ZNF385D: variants seen among roughly 807,000 people sequenced by gnomAD.
The protein encoded by ZNF385D is zinc finger protein 659.
In ZNF385D, 15 loss-of-function variants were observed where a neutral mutation model predicts 35.8. The ratio of observed to expected loss-of-function variants is 0.42; its 90% CI spans 0.28 to 0.64. The LOEUF is 0.64. Among genes scored for constraint, ZNF385D ranks in the 30% least tolerant of loss-of-function variants. The pLI is 0.23. For missense variants in ZNF385D, 474 were observed against 494.6 expected (o/e 0.96, Z 0.39); for synonymous variants, 212 against 186.8 (o/e 1.13, Z -1.10).
chr3:21,995,904 G>C (rs903740320), intron 3 of ZNF385D, among the ~76,000 whole-genome samples: 1 of 152,064 alleles, frequency 6.6e-6, no homozygotes, highest in Non-Finnish European at 1.5e-5. Context: ...TTCCCAGTGT[G>C]CTACATTGTC....
chr3:21,424,948 C>G (rs1386004648), intron 6 of ZNF385D, among the ~76,000 whole-genome samples: 5 of 152,096 alleles, frequency 3.3e-5, no homozygotes, highest in African/African-American at 1.2e-4. Flanking sequence ...TATAAATGAT[C>G]TCTTTGGAAG....
chr3:21,591,411 C>T (rs1284924907), intron 2 of ZNF385D, among the ~76,000 whole-genome samples: 1 of 151,938 alleles, frequency 6.6e-6, no homozygotes, highest in African/African-American at 2.4e-5. Context: ...GAATGGTTAG[C>T]AAAATAGAAC....
At chr3:21,770,058 C>G (rs147137069) in intron 3 of ZNF385D, among the ~76,000 whole-genome samples, 1,680 of 152,272 alleles carry the variant, frequency 0.011, 79 homozygotes, top group Admixed American at 0.09. Context: ...AACTGGATCC[C>G]TTCCTTATAC....
intron 3 of ZNF385D, chr3:21,961,365 C>T (rs756674090): frequency 2.6e-5 from 4 of 151,930 alleles, no homozygotes; most frequent in Admixed American, 6.6e-5. Flanking sequence ...GGAAAATATT[C>T]GACTTAATAA....
At chr3:21,650,044 A>G (rs1344551531) in intron 2 of ZNF385D, among the ~76,000 whole-genome samples, 2 of 151,726 alleles carry the variant, frequency 1.3e-5, no homozygotes, top group African/African-American at 4.9e-5. Flanking sequence ...AACAGTGAAT[A>G]TAGAAAAAAA....
chr3:21,453,567 A>G (rs750317000), intron 4 of ZNF385D, among the ~76,000 whole-genome samples: 1 of 152,020 alleles, frequency 6.6e-6, no homozygotes, highest in Non-Finnish European at 1.5e-5. Context: ...TTTAATAGAC[A>G]TTTCTTGAAA....
Position 22,290,943 on chromosome 3 carries a change from T to C in ZNF385D, c.106+81507A>G, listed in dbSNP as rs115069083. 9.9e-3 allele frequency among the ~76,000 whole-genome samples: 1,508 copies of C among 152,230 alleles called. 11 individuals carry two copies. Among genetic ancestry groups the C allele is most frequent in the Middle Eastern group, 0.017 (5 of 294 alleles). On this transcript the variant is annotated intron_variant, in intron 2 of 5. Transcript: ENST00000494108. ...ATGTATATTTTTGTGTGCTTTTCCTTGTTGTGCGGGCATGAGGAACAAGAG... is the reference window on the plus strand; with the variant it reads ...ATGTATATTTTTGTGTGCTTTTCCTCGTTGTGCGGGCATGAGGAACAAGAG...
chr3:21,680,070 A>C (rs1022863552), intron 1 of ZNF385D, among the ~76,000 whole-genome samples: 3 of 152,058 alleles, frequency 2.0e-5, no homozygotes, highest in Non-Finnish European at 4.4e-5. Flanking sequence ...GGTCAGTGGA[A>C]AAATAGAGTC....
intron 3 of ZNF385D, among the ~76,000 whole-genome samples, chr3:22,017,852 A>G (rs1696983213): frequency 6.6e-6 from 1 of 151,956 alleles, no homozygotes; most frequent in African/African-American, 2.4e-5. Flanking sequence ...ATATGTTTAC[A>G]TACGTATTTC....
At chr3:21,633,707 T>C (rs2065346414) in intron 2 of ZNF385D, among the ~76,000 whole-genome samples, 1 of 152,160 alleles carries the variant, frequency 6.6e-6, no homozygotes, top group Non-Finnish European at 1.5e-5. Context: ...TGTTTTAGCA[T>C]TGTATTCTTG....
intron 4 of ZNF385D, among the ~76,000 whole-genome samples, chr3:21,439,361 G>A (rs1057156308): frequency 1.5e-4 from 22 of 148,422 alleles, no homozygotes; most frequent in African/African-American, 5.5e-4. Flanking sequence ...ATTCTGCATA[G>A]TAAGGTCACA....
intron 1 of ZNF385D, among the ~76,000 whole-genome samples, chr3:21,676,266 T>C (rs904933272): frequency 2.6e-5 from 4 of 152,116 alleles, no homozygotes; most frequent in Admixed American, 2.6e-4. Flanking sequence ...AACTCTATAA[T>C]ACCAAAAAGA....
At chr3:21,639,205 A>AT (rs1313343787) in intron 2 of ZNF385D, among the ~76,000 whole-genome samples, 2 of 151,680 alleles carry the variant, frequency 1.3e-5, no homozygotes, top group East Asian at 3.9e-4. Context: ...TCCCTGCTTT[A>AT]TTTTTTTTCC....
At chr3:21,849,324 G>A (rs1026643661) in intron 3 of ZNF385D, among the ~76,000 whole-genome samples, 5 of 152,030 alleles carry the variant, frequency 3.3e-5, no homozygotes, top group Admixed American at 2.6e-4. Flanking sequence ...AAAAGAATGA[G>A]CTAATACTTA....
At chr3:21,804,838 T>C (rs1356259434) in intron 3 of ZNF385D, among the ~76,000 whole-genome samples, 1 of 141,444 alleles carries the variant, frequency 7.1e-6, no homozygotes, top group African/African-American at 2.7e-5. Context: ...ATGTTGTTTC[T>C]ACTGTTTTCC....
At chr3:22,366,753 T>C (rs1205892633) in intron 2 of ZNF385D, among the ~76,000 whole-genome samples, 2 of 152,192 alleles carry the variant, frequency 1.3e-5, no homozygotes, top group South Asian at 2.1e-4. Context: ...TCATATGTTA[T>C]TACATTAAGG....
intron 3 of ZNF385D, among the ~76,000 whole-genome samples, chr3:22,035,767 T>C (rs769529058): frequency 2.0e-5 from 3 of 152,170 alleles, no homozygotes; most frequent in South Asian, 4.1e-4. Context: ...CATTCTAAGA[T>C]GCAGAATGTA....
chr3:21,725,821 A>G lies in ZNF385D; in HGVS notation c.22+25074T>C, dbSNP rs183968561. Among the ~76,000 whole-genome samples, 6 of 152,146 alleles carry G rather than the reference A, an allele frequency of 3.9e-5. No individual in the cohort carries two copies. The South Asian group carries it at 1.0e-3, about 26-fold the overall frequency. On this transcript the variant is annotated intron_variant, in intron 1 of 7. Coordinates refer to ENST00000281523, the MANE Select transcript of ZNF385D (RefSeq NM_024697.3). ...ATAGAAAAAGACAGAATCCTCCCTA[A>G]CTCATTTTATGAGGCCAGCATCATC... is the stretch of plus-strand genomic sequence containing the variant.
chr3:21,571,137 A>G lies in ZNF385D; in HGVS notation c.166-6453T>C, dbSNP rs9878460. The stretch of plus-strand genomic sequence containing the variant: ...ATAAAGAGATGGAACATTTTCAGCA[A>G]TCAAGTCTCTCAGTCCTGTACTTGG... On this transcript the variant is annotated intron_variant, in intron 2 of 7. Transcript: ENST00000281523. Among the ~76,000 whole-genome samples, 733 of 152,308 alleles carry G rather than the reference A, an allele frequency of 4.8e-3. 6 individuals are homozygous for G. Among genetic ancestry groups the G allele is most frequent in the African/African-American group, 0.016 (682 of 41,562 alleles).
Sources: allele counts gnomAD v4.1 joint callset (sites outside exome capture counted in the v4.1 genomes callset), GRCh38; gene constraint gnomAD v4.1.1; transcripts MANE v1.5; gene names NCBI Gene and HGNC (gene_info 2026-07-23, HGNC 2026-07-21).